TNFRSF13B: variants seen among roughly 807,000 people sequenced by gnomAD.
TNFRSF13B encodes TNF receptor superfamily member 13B, also known as tumor necrosis factor receptor superfamily member 13B.
In TNFRSF13B, 34 loss-of-function variants were observed where a neutral mutation model predicts 24.0. That is an observed-to-expected ratio of 1.41 (90% CI 1.08 to 1.88). The LOEUF is 1.88. Ranked by LOEUF, TNFRSF13B falls within the 40% of genes most tolerant of loss-of-function variation. The pLI is 0.00. For missense variants in TNFRSF13B, 415 were observed against 380.8 expected (o/e 1.09, Z -0.75); for synonymous variants, 173 against 150.3 (o/e 1.15, Z -1.10).
chr17:16,948,493 G>A (rs1278080571), intron 3 of TNFRSF13B, among the ~76,000 whole-genome samples: 4 of 152,218 alleles, frequency 2.6e-5, no homozygotes, highest in Non-Finnish European at 4.4e-5. Flanking sequence ...AGCCTCGGCA[G>A]CCTCTAGTGC....
chr17:16,967,899 A>T lies in TNFRSF13B; in HGVS notation c.61+4116T>A, dbSNP rs1298596095. ...ACGCCTGTAATCCCAGCACTTTGGG[A>T]TGCCGAGGTGGGTGGATCACGAGAT... is the stretch of plus-strand genomic sequence containing the variant. On this transcript the variant is annotated intron_variant, in intron 1 of 4. Transcript: ENST00000261652. Among the ~76,000 whole-genome samples, 3 of 151,758 alleles carry T rather than the reference A, an allele frequency of 2.0e-5. No individual in the cohort carries two copies. The East Asian group carries it at 5.8e-4, about 29-fold the overall frequency.
chr17:16,965,531 T>C (rs2087693002), intron 1 of TNFRSF13B, among the ~76,000 whole-genome samples: 3 of 152,222 alleles, frequency 2.0e-5, no homozygotes, highest in Admixed American at 6.5e-5. Context: ...AGTAAAGACT[T>C]GCGGAAGGAA....
At chr17:16,940,972 C>T (rs551395177) in intron 3 of TNFRSF13B, 244 of 1,047,158 alleles carry the variant, frequency 2.3e-4, no homozygotes, top group East Asian at 1.2e-3. Flanking sequence ...TACCAAAATC[C>T]GCGGATGTCC....
chr17:16,956,003 G>A (rs1216529615), intron 1 of TNFRSF13B, among the ~76,000 whole-genome samples: 2 of 151,960 alleles, frequency 1.3e-5, no homozygotes, highest in African/African-American at 2.4e-5. Context: ...CCGGCACAAA[G>A]GACATTGTTT....
chr17:16,939,766 G>A lies in TNFRSF13B; in HGVS notation c.663C>T (p.Ser221=), dbSNP rs533796529. The part of the protein sequence containing the change: ...DHAMEAGSPV[S]TSPEPVETCS... Reference sequence around the variant, plus strand: ...AGGTCTCCACTGGCTCGGGGGATGTGCTCACAGGGCTGCCGGCTTCCATCG... The same window carrying A: ...AGGTCTCCACTGGCTCGGGGGATGTACTCACAGGGCTGCCGGCTTCCATCG... Residue 221 remains serine (S), a synonymous_variant, in exon 5 of 5, where the codon AGC becomes AGT. Coordinates refer to ENST00000261652, the MANE Select transcript of TNFRSF13B (RefSeq NM_012452.3). 4 of 1,611,360 alleles carry A rather than the reference G, an allele frequency of 2.5e-6. No individual in the cohort carries two copies. In the Admixed American group the frequency reaches 5.0e-5, roughly 20 times the overall value.
intron 3 of TNFRSF13B, chr17:16,941,510 A>T: frequency 1.0e-6 from 1 of 987,634 alleles, no homozygotes; most frequent in Non-Finnish European, 1.2e-6. Context: ...CAGATTTAAG[A>T]TGACACGTCA....
intron 1 of TNFRSF13B, among the ~76,000 whole-genome samples, chr17:16,966,661 T>C (rs1032350244): frequency 6.6e-6 from 1 of 152,114 alleles, no homozygotes; most frequent in African/African-American, 2.4e-5. Flanking sequence ...GGAGGGTAAT[T>C]TGGCAACATT....
At chr17:16,965,304 A>G (rs2087691736) in intron 1 of TNFRSF13B, among the ~76,000 whole-genome samples, 1 of 152,078 alleles carries the variant, frequency 6.6e-6, no homozygotes, top group African/African-American at 2.4e-5. Context: ...AGTAGCATCA[A>G]ATTAGTGCTC....
intron 1 of TNFRSF13B, among the ~76,000 whole-genome samples, chr17:16,953,113 A>G (rs1363373621): frequency 6.6e-6 from 1 of 152,136 alleles, no homozygotes; most frequent in African/African-American, 2.4e-5. Flanking sequence ...CCTTCTATGC[A>G]TGTGGTTATT....
At chr17:16,970,459 C>T (rs1034190257) in intron 1 of TNFRSF13B, among the ~76,000 whole-genome samples, 4 of 151,994 alleles carry the variant, frequency 2.6e-5, no homozygotes, top group African/African-American at 9.7e-5. Context: ...GCTCTGTGGT[C>T]GGATTAGTTT....
In TNFRSF13B at chr17:16,972,000, T is replaced by C. The variant is rs1459631519; in HGVS notation, c.61+15A>G. On this transcript the variant is annotated intron_variant, in intron 1 of 4. Transcript: ENST00000261652. ...CCTCCCACCTGCCCTCCTGCCCTCC[T>C]GCCCGGCTACTCACAGCGCTCCTCC... 2 of 1,614,058 alleles carry C rather than the reference T, an allele frequency of 1.2e-6. No individual in the cohort carries two copies. The highest frequency in any genetic ancestry group is 1.7e-6 in the Non-Finnish European group (2 of 1,179,994).
At chr17:16,944,295 C>T (rs1010189149) in intron 3 of TNFRSF13B, among the ~76,000 whole-genome samples, 23 of 152,192 alleles carry the variant, frequency 1.5e-4, no homozygotes, top group Admixed American at 5.9e-4. Context: ...CTGTCTCCAC[C>T]GTGTGGCTTC....
chr17:16,968,313 C>T (rs939155629), intron 1 of TNFRSF13B, among the ~76,000 whole-genome samples: 1 of 152,156 alleles, frequency 6.6e-6, no homozygotes, highest in Non-Finnish European at 1.5e-5. Context: ...TACTTCAAAA[C>T]TTATTGCAAG....
chr17:16,958,078 C>T (rs184355600), intron 1 of TNFRSF13B, among the ~76,000 whole-genome samples: 4 of 151,942 alleles, frequency 2.6e-5, no homozygotes, highest in Non-Finnish European at 4.4e-5. Flanking sequence ...TACAAAGATG[C>T]AGTATGTGAT....
chr17:16,957,767 A>G (rs373752024), intron 1 of TNFRSF13B, among the ~76,000 whole-genome samples: 16 of 152,352 alleles, frequency 1.1e-4, no homozygotes, highest in African/African-American at 3.6e-4. Flanking sequence ...TCACCTTTCA[A>G]TAATGAAGGA....
At chr17:16,945,451 A>C (rs2087541119) in intron 3 of TNFRSF13B, among the ~76,000 whole-genome samples, 1 of 152,218 alleles carries the variant, frequency 6.6e-6, no homozygotes, top group African/African-American at 2.4e-5. Flanking sequence ...CTGTGCTCAA[A>C]TCCCAGCTCA....
intron 3 of TNFRSF13B, among the ~76,000 whole-genome samples, chr17:16,942,706 G>A (rs2087520340): frequency 6.6e-6 from 1 of 152,200 alleles, no homozygotes; most frequent in African/African-American, 2.4e-5. Flanking sequence ...GTTACTAAGC[G>A]GAAATGAACG....
intron 3 of TNFRSF13B, among the ~76,000 whole-genome samples, chr17:16,944,309 A>G (rs1597658970): frequency 6.6e-6 from 1 of 152,126 alleles, no homozygotes; most frequent in African/African-American, 2.4e-5. Flanking sequence ...TGGCTTCAAC[A>G]TAGTTGCTTT....
intron 2 of TNFRSF13B, among the ~76,000 whole-genome samples, chr17:16,950,065 CT>C (rs1201278805): frequency 6.6e-6 from 1 of 151,788 alleles, no homozygotes; most frequent in East Asian, 1.9e-4. Flanking sequence ...TAAGGTATGG[CT>C]TTTGAGATGT....
Sources: gnomAD v4.1 joint callset for allele counts (sites outside exome capture counted in the v4.1 genomes callset) on GRCh38, gnomAD v4.1.1 for gene constraint, MANE v1.5 for transcripts, NCBI Gene and HGNC (gene_info 2026-07-23, HGNC 2026-07-21) for gene names.